CTRC: variants seen among roughly 807,000 people sequenced by gnomAD.
CTRC encodes the protein chymotrypsin-C.
CTRC carries 32 observed loss-of-function variants against 35.7 expected under a neutral mutation model. That is an observed-to-expected ratio of 0.90 (90% CI 0.68 to 1.20). The LOEUF (loss-of-function observed/expected upper bound fraction) is 1.20. CTRC is among the 50% of genes most tolerant of loss of function. The pLI, the probability that CTRC is intolerant of heterozygous loss-of-function variation, is 0.00. For synonymous variants in CTRC, 119 were observed against 149.5 expected, an observed-to-expected ratio of 0.80 and a Z score of 1.49; for missense variants, 324 against 361.5, an observed-to-expected ratio of 0.90 and a Z score of 0.84.
intron 5 of CTRC, among the ~76,000 whole-genome samples, chr1:15,444,238 C>T (rs1708180133): frequency 6.6e-6 from 1 of 150,876 alleles, no homozygotes; most frequent in African/African-American, 2.4e-5. Flanking sequence ...GCCTGAGCAA[C>T]AGAGTGAGAC....
rs759090519 is a variant in CTRC at position 15,440,397 on chromosome 1, C to T, written c.132+6C>T. ...CCCACAGCTGGCCCTGGCAGGTAAG[C>T]CTGTGTAGGGCTGGGAGGTACAGAT... is the stretch of plus-strand genomic sequence containing the variant. On this transcript the variant is annotated splice_donor_region_variant and intron_variant, in intron 2 of 7. Transcript: ENST00000375949. 3.1e-6 allele frequency: 5 copies of T among 1,612,448 alleles called. No individual in the cohort carries two copies. In the South Asian group the frequency reaches 5.5e-5, roughly 18 times the overall value.
chr1:15,442,714 C>A (rs750311463), intron 4 of CTRC, 142 bp downstream of exon 4: 3 of 1,145,012 alleles, frequency 2.6e-6, no homozygotes, highest in Admixed American at 2.0e-5. Flanking sequence ...CTGTCTTACA[C>A]AAAATGGCAA....
At chr1:15,443,747 T>C (rs758345144) in intron 5 of CTRC, among the ~76,000 whole-genome samples, 192 bp downstream of exon 5, 19 of 152,192 alleles carry the variant, frequency 1.2e-4, no homozygotes, top group Non-Finnish European at 2.5e-4. Flanking sequence ...AGAGATGTGG[T>C]AAAGTTTAGA....
Position 15,445,673 on chromosome 1 carries a change from C to G in CTRC, c.716C>G (p.Ser239Cys), listed in dbSNP as rs1708205861. ...GTGTTTGGCATCGTCAGCTTTGGCT[C>G]CCGGCGGGGCTGCAACACCCGCAAG... ...WEVFGIVSFG[S>C]RRGCNTRKKP... is the part of the protein sequence containing the mutation. Residue 239 changes from serine (S) to cysteine (C), a missense_variant, in exon 7 of 8, where the codon TCC becomes TGC. Coordinates refer to ENST00000375949, the MANE Select transcript of CTRC (RefSeq NM_007272.3). 6.2e-7 allele frequency: 1 copy of G among 1,614,164 alleles called. No individual in the cohort carries two copies.
At chr1:15,446,240 C>T (rs1466428651) in intron 7 of CTRC, among the ~76,000 whole-genome samples, 2 of 152,274 alleles carry the variant, frequency 1.3e-5, no homozygotes, top group East Asian at 3.8e-4. Context: ...CCAGGCCCCA[C>T]ACCAGTCTCC....
Position 15,446,746 on chromosome 1 carries a change from A to T in CTRC, c.*157A>T. ...ATGGAGCCAAAGAGAGACCCCACTCAGCCAGTTTCCCCCACCCTGCATTAG... is the reference window on the plus strand; with the variant it reads ...ATGGAGCCAAAGAGAGACCCCACTCTGCCAGTTTCCCCCACCCTGCATTAG... On this transcript the variant is annotated 3_prime_UTR_variant, in exon 8 of 8. Transcript: ENST00000375949. The T allele has an allele frequency of 2.3e-6, 2 of 861,580 alleles. No homozygotes were observed. The highest frequency in any genetic ancestry group is 2.6e-5 in the East Asian group (1 of 38,738). The allele number at this position is 861,580 out of a possible 1,614,324, so 53.4% of individuals were successfully genotyped here. A position where few individuals can be genotyped will look rare whatever the true frequency, so the allele number is the denominator to read the frequency against.
At chr1:15,440,434 C>A in intron 2 of CTRC, 43 bp downstream of exon 2, 9 of 1,611,350 alleles carry the variant, frequency 5.6e-6, no homozygotes, top group South Asian at 1.1e-5. Flanking sequence ...GAGAGGGTGG[C>A]GGGGTGAGGG....
intron 5 of CTRC, 28 bp from the exon 6 acceptor site, chr1:15,444,578 C>A (rs775143123): frequency 6.2e-7 from 1 of 1,613,866 alleles, no homozygotes; most frequent in Non-Finnish European, 8.5e-7. Context: ...CCGGCTGCCT[C>A]CCTGGTCACT....
At chr1:15,439,462 G>T (rs977473009) in intron 1 of CTRC, among the ~76,000 whole-genome samples, 2 of 151,840 alleles carry the variant, frequency 1.3e-5, no homozygotes, top group African/African-American at 4.8e-5. Flanking sequence ...AAAAGAGGTA[G>T]GGTCTTTTCA....
In CTRC at chr1:15,448,828, T is replaced by C. The variant is rs1333313180; in HGVS notation, c.*2239T>C. 2 of 152,152 alleles carry C rather than the reference T, an allele frequency of 1.3e-5. No individual in the cohort carries two copies. Among genetic ancestry groups the C allele is most frequent in the African/African-American group, 2.4e-5 (1 of 41,420 alleles). The allele number at this position is 152,152 out of a possible 1,614,324, so 9.4% of individuals were successfully genotyped here. A position where few individuals can be genotyped will look rare whatever the true frequency, so the allele number is the denominator to read the frequency against. ...ATCTTCTTTTGTGTATGTCTTTATA[T>C]TGGGGGTTATAAATGCTAAATGCTT... On this transcript the variant is annotated 3_prime_UTR_variant, in exon 8 of 8. Transcript: ENST00000375949.
chr1:15,443,199 G>A (rs1431359471), intron 4 of CTRC, among the ~76,000 whole-genome samples: 1 of 152,184 alleles, frequency 6.6e-6, no homozygotes, highest in African/African-American at 2.4e-5. Context: ...GTGATGACAT[G>A]TGAGAAGAAG....
chr1:15,440,843 T>C lies in CTRC; in HGVS notation c.230+253T>C, dbSNP rs567690423. 1.5e-4 allele frequency among the ~76,000 whole-genome samples: 23 copies of C among 152,282 alleles called. No homozygotes were observed. The South Asian group carries it at 2.1e-3, about 14-fold the overall frequency. On this transcript the variant is annotated intron_variant, in intron 3 of 7. Coordinates refer to ENST00000375949, the MANE Select transcript of CTRC (RefSeq NM_007272.3). ...TGTGGAAGACAGAGCGGCAGACAATTAAACAAATATATAGCATCTCAGGTG... is the reference window on the plus strand; with the variant it reads ...TGTGGAAGACAGAGCGGCAGACAATCAAACAAATATATAGCATCTCAGGTG...
rs767791068 is a variant in CTRC, at chr1:15,442,430, C to G, written c.231-17C>G. 4 of 1,603,600 alleles carry G rather than the reference C, an allele frequency of 2.5e-6. No individual in the cohort carries two copies. The highest frequency in any genetic ancestry group is 3.4e-6 in the Non-Finnish European group (4 of 1,174,846). On this transcript the variant is annotated splice_polypyrimidine_tract_variant and intron_variant, in intron 3 of 7. Transcript: ENST00000375949. ...GACCAGGGGGCCACCCTGACCTGGA[C>G]CCCTTCCTCTGCCCAGCAACACCCG...
intron 3 of CTRC, among the ~76,000 whole-genome samples, chr1:15,442,032 G>A (rs192255859): frequency 1.4e-3 from 212 of 152,248 alleles, no homozygotes; most frequent in Non-Finnish European, 2.2e-3. Flanking sequence ...ATGAGCCAAC[G>A]CACCTGGCCG....
intron 1 of CTRC, among the ~76,000 whole-genome samples, 200 bp from the exon 2 acceptor site, chr1:15,440,100 A>G (rs1708102981): frequency 6.6e-6 from 1 of 152,162 alleles, no homozygotes; most frequent in Admixed American, 6.5e-5. Flanking sequence ...TCACCGCATT[A>G]GTGTGATTCT....
chr1:15,444,856 C>T (rs1194931016), intron 6 of CTRC, 105 bp downstream of exon 6: 13 of 1,474,170 alleles, frequency 8.8e-6, no homozygotes, highest in East Asian at 2.3e-5. Flanking sequence ...GGAGACTGAG[C>T]GAGCCCTGGC....
intron 3 of CTRC, 49 bp downstream of exon 3, chr1:15,440,639 G>A (rs368277420): frequency 6.4e-7 from 1 of 1,557,352 alleles, no homozygotes; most frequent in Non-Finnish European, 8.8e-7. Context: ...GGGGGCGGAA[G>A]CCTGATACTC....
Position 15,445,642 on chromosome 1 carries a change from T to C in CTRC, c.685T>C (p.Trp229Arg), listed in dbSNP as rs1557510801. The C allele has an allele frequency of 1.2e-6, 2 of 1,614,202 alleles. No individual in the cohort carries two copies. The highest frequency in any genetic ancestry group is 8.5e-7 in the Non-Finnish European group (1 of 1,180,038). Residue 229 changes from tryptophan to arginine, a missense_variant, in exon 7 of 8, where the codon TGG (tryptophan) becomes CGG (arginine). Coordinates refer to ENST00000375949, the MANE Select transcript of CTRC (RefSeq NM_007272.3). ...GAACTGCCAGTTGGAGAACGGTTCC[T>C]GGGAGGTGTTTGGCATCGTCAGCTT... ...PLNCQLENGS[W>R]EVFGIVSFGS...
At chr1:15,440,456 T>C in intron 2 of CTRC, 37 bp from the exon 3 acceptor site, 1 of 1,612,596 alleles carries the variant, frequency 6.2e-7, no homozygotes, top group Non-Finnish European at 8.5e-7. Context: ...CCCAGGGACC[T>C]GCAGGCTGAC....
Sources: gnomAD v4.1 joint callset for allele counts (sites outside exome capture counted in the v4.1 genomes callset) on GRCh38, gnomAD v4.1.1 for gene constraint, MANE v1.5 for transcripts, NCBI Gene and HGNC (gene_info 2026-07-23, HGNC 2026-07-21) for gene names.